The following ASTN2 variants were observed in gnomAD, a reference collection of about 807,000 sequenced individuals.
The protein encoded by ASTN2 is astrotactin-2.
A neutral mutation model predicts 139.8 loss-of-function variants in ASTN2; 54 were observed. The ratio of observed to expected loss-of-function variants is 0.39; its 90% CI spans 0.31 to 0.48. The LOEUF (loss-of-function observed/expected upper bound fraction) is 0.48. Among genes scored for constraint, ASTN2 ranks in the 20% least tolerant of loss-of-function variants. The probability of loss-of-function intolerance (pLI) is 0.95; values close to 1 mark genes in which losing one functional copy is unlikely to be tolerated. For missense variants in ASTN2, 1,565 were observed against 1,725.1 expected, an observed-to-expected ratio of 0.91 and a Z score of 1.64; for synonymous variants, 756 against 719.5, an observed-to-expected ratio of 1.05 and a Z score of -0.81.
chr9:116,783,310 C>G (rs940136518), intron 13 of ASTN2, among the ~76,000 whole-genome samples: 1 of 142,184 alleles, frequency 7.0e-6, no homozygotes, highest in Non-Finnish European at 1.5e-5. Context: ...CCCTCCCTCC[C>G]TCCCTCTCTC....
At chr9:117,113,778 G>C (rs932041351) in intron 4 of ASTN2, among the ~76,000 whole-genome samples, 9 of 152,148 alleles carry the variant, frequency 5.9e-5, no homozygotes, top group Non-Finnish European at 1.3e-4. Flanking sequence ...CATACTGTGT[G>C]AGTCCATTTA....
At position 116,956,190 on chromosome 9, in the gene ASTN2, G is replaced by C. The variant is rs374462556; in HGVS notation, c.1889+19018C>G. ...GGCTCACCGCAACCTCTGCCTCCTG[G>C]GTTCAAGTGATTCTCCTCCCTCAGC... On this transcript the variant is annotated intron_variant, in intron 10 of 22. Coordinates refer to ENST00000313400, the MANE Select transcript of ASTN2 (RefSeq NM_001365068.1). Among the ~76,000 whole-genome samples, 345 of 149,102 alleles carry C rather than the reference G, an allele frequency of 2.3e-3. 8 individuals carry two copies. In the South Asian group the frequency reaches 0.063, roughly 27 times the overall value.
At chr9:116,564,440 T>C (rs4836758) in intron 19 of ASTN2, among the ~76,000 whole-genome samples, 26,515 of 152,182 alleles carry the variant, frequency 0.17, 2,665 homozygotes, top group African/African-American at 0.26. Flanking sequence ...TAATGTCAGG[T>C]GCCTTGCTAC....
Position 116,826,533 on chromosome 9 carries a change from C to T in ASTN2, c.2041-5750G>A, listed in dbSNP as rs117625195. Reference sequence around the variant, plus strand: ...GTGGCTGCGAGACTGGGGACTAGCCCGCCCAACCCATCACAGCTCCCAGCA... The same window carrying T: ...GTGGCTGCGAGACTGGGGACTAGCCTGCCCAACCCATCACAGCTCCCAGCA... On this transcript the variant is annotated intron_variant, in intron 11 of 22. Transcript: ENST00000313400. Among the ~76,000 whole-genome samples, 612 of 152,258 alleles carry T rather than the reference C, an allele frequency of 4.0e-3. 9 individuals carry two copies. The East Asian group carries it at 0.065, about 16-fold the overall frequency.
intron 10 of ASTN2, among the ~76,000 whole-genome samples, chr9:116,892,249 C>A (rs752915186): frequency 1.2e-4 from 19 of 152,142 alleles, no homozygotes; most frequent in Non-Finnish European, 2.1e-4. Context: ...TATTGCAATT[C>A]TTCACATATA....
intron 16 of ASTN2, among the ~76,000 whole-genome samples, chr9:116,653,336 C>T (rs1384451452): frequency 6.6e-6 from 1 of 152,210 alleles, no homozygotes; most frequent in Non-Finnish European, 1.5e-5. Context: ...TCTAAACTCT[C>T]ATCTCTGTTT....
intron 16 of ASTN2, among the ~76,000 whole-genome samples, chr9:116,674,398 T>C (rs890416786): frequency 6.6e-6 from 1 of 152,228 alleles, no homozygotes; most frequent in Non-Finnish European, 1.5e-5. Context: ...CCGGCATTTA[T>C]TCAGCACAGA....
At chr9:117,156,593 T>C (rs1258567923) in intron 3 of ASTN2, among the ~76,000 whole-genome samples, 1 of 152,040 alleles carries the variant, frequency 6.6e-6, no homozygotes, top group Non-Finnish European at 1.5e-5. Context: ...AGGTAACAAC[T>C]ATTATTTTAT....
chr9:116,944,512 C>T (rs1271334868), intron 10 of ASTN2, among the ~76,000 whole-genome samples: 1 of 151,620 alleles, frequency 6.6e-6, no homozygotes, highest in South Asian at 2.1e-4. Context: ...GAAATCCTGC[C>T]TCTACTAAAA....
chr9:116,595,527 A>G (rs1854529399), intron 19 of ASTN2, among the ~76,000 whole-genome samples: 1 of 152,034 alleles, frequency 6.6e-6, no homozygotes, highest in South Asian at 2.1e-4. Context: ...GGGTTTCACT[A>G]TGTTGGCCAG....
At chr9:116,792,898 C>T (rs1385059647) in intron 13 of ASTN2, among the ~76,000 whole-genome samples, 1 of 152,042 alleles carries the variant, frequency 6.6e-6, no homozygotes, top group African/African-American at 2.4e-5. Context: ...AAAGCTGTTC[C>T]TCTGTACTCA....
chr9:116,620,516 C>T, intron 17 of ASTN2, 73 bp from the exon 18 acceptor site: 1 of 1,586,846 alleles, frequency 6.3e-7, no homozygotes, highest in African/African-American at 1.3e-5. Flanking sequence ...GTGCTGATGG[C>T]CATGATGTGA....
At chr9:117,344,540 T>C (rs1012479493) in intron 1 of ASTN2, among the ~76,000 whole-genome samples, 1 of 152,164 alleles carries the variant, frequency 6.6e-6, no homozygotes, top group Non-Finnish European at 1.5e-5. Context: ...TTGCCTGTGT[T>C]TGTCTTTGTG....
intron 10 of ASTN2, among the ~76,000 whole-genome samples, chr9:116,926,907 C>A (rs1834770334): frequency 6.6e-6 from 1 of 152,006 alleles, no homozygotes; most frequent in African/African-American, 2.4e-5. Context: ...GGGAGAGGGC[C>A]ATCAGGAGAT....
At chr9:116,497,432 T>C (rs535039596) in intron 19 of ASTN2, among the ~76,000 whole-genome samples, 9 of 152,144 alleles carry the variant, frequency 5.9e-5, no homozygotes, top group African/African-American at 2.2e-4. Context: ...GAACAAAACC[T>C]CTTCCCTGTG....
chr9:117,063,677 C>G (rs1383215565), intron 5 of ASTN2, among the ~76,000 whole-genome samples: 1 of 152,098 alleles, frequency 6.6e-6, no homozygotes, highest in African/African-American at 2.4e-5. Context: ...GCTTTTAGTC[C>G]ACTAGAAGGT....
chr9:117,043,137 C>T (rs1187960891), intron 5 of ASTN2, among the ~76,000 whole-genome samples: 1 of 152,270 alleles, frequency 6.6e-6, no homozygotes, highest in African/African-American at 2.4e-5. Context: ...TCCCAAACTG[C>T]TGGGATTACA....
At chr9:116,907,311 T>G (rs1005184643) in intron 10 of ASTN2, among the ~76,000 whole-genome samples, 1 of 152,232 alleles carries the variant, frequency 6.6e-6, no homozygotes, top group East Asian at 1.9e-4. Flanking sequence ...CTTAGAAGCC[T>G]GTGTCTCAGG....
At chr9:116,504,009 C>T (rs1010849617) in intron 19 of ASTN2, among the ~76,000 whole-genome samples, 8 of 152,122 alleles carry the variant, frequency 5.3e-5, no homozygotes, top group African/African-American at 2.4e-5. Context: ...TCTGGACCTG[C>T]AAGGACCCAA....
Sources: gnomAD v4.1 joint callset for allele counts (sites outside exome capture counted in the v4.1 genomes callset) on GRCh38, gnomAD v4.1.1 for gene constraint, MANE v1.5 for transcripts, NCBI Gene and HGNC (gene_info 2026-07-23, HGNC 2026-07-21) for gene names.